The following NEXMIF variants were observed in gnomAD, a reference collection of about 807,000 sequenced individuals.
NEXMIF encodes the protein XLMR protein related to neurite extension.
A neutral mutation model predicts 62.1 loss-of-function variants in NEXMIF; 8 were observed. The observed-to-expected ratio is 0.13, with a 90% CI of 0.08 to 0.23. The LOEUF is 0.23. Among genes scored for constraint, NEXMIF ranks in the 10% least tolerant of loss-of-function variants. NEXMIF has a pLI of 1.00. For missense variants in NEXMIF, 976 were observed against 1,113.3 expected (o/e 0.88, Z 1.75); for synonymous variants, 404 against 416.6 (o/e 0.97, Z 0.37).
intron 1 of NEXMIF, among the ~76,000 whole-genome samples, chrX:74,871,384 G>C (rs1271586473): frequency 9.0e-6 from 1 of 111,188 alleles, no homozygotes; most frequent in Admixed American, 9.6e-5. Context: ...AAAAGGCAGA[G>C]GCAAAAATTA....
intron 1 of NEXMIF, among the ~76,000 whole-genome samples, chrX:74,906,766 A>G (rs936346358): frequency 4.5e-5 from 5 of 111,178 alleles, no homozygotes; most frequent in Non-Finnish European, 9.4e-5. Context: ...CTTGCTGAAA[A>G]TAAAGCTTTT....
At chrX:74,924,494 C>T (rs1296585533) in intron 1 of NEXMIF, among the ~76,000 whole-genome samples, 1 of 113,244 alleles carries the variant, frequency 8.8e-6, no homozygotes, top group Non-Finnish European at 1.9e-5. Context: ...CGAAGCGTGC[C>T]ATGCCCATGC....
chrX:74,790,543 T>C (rs1167990344), intron 1 of NEXMIF, among the ~76,000 whole-genome samples: 2 of 111,866 alleles, frequency 1.8e-5, no homozygotes, highest in East Asian at 2.8e-4. Context: ...GGGGATGGCA[T>C]TGAATCTGTA....
intron 1 of NEXMIF, among the ~76,000 whole-genome samples, chrX:74,812,318 C>T (rs1216229391): frequency 8.9e-6 from 1 of 111,867 alleles, no homozygotes; most frequent in Admixed American, 9.5e-5. Context: ...ATATCTCTCC[C>T]AACACCAAAT....
At chrX:74,838,875 T>C (rs745576646) in intron 1 of NEXMIF, among the ~76,000 whole-genome samples, 4 of 112,032 alleles carry the variant, frequency 3.6e-5, no homozygotes, top group Non-Finnish European at 7.5e-5. Flanking sequence ...CCTGCAAATA[T>C]GTGAGTATAA....
Position 74,744,463 on chromosome X carries a change from C to A in NEXMIF, c.94G>T (p.Asp32Tyr), listed in dbSNP as rs1430976000. The A allele has an allele frequency of 8.4e-7, 1 of 1,193,276 alleles. No individual in the cohort carries two copies. Among genetic ancestry groups the A allele is most frequent in the Non-Finnish European group, 1.1e-6 (1 of 885,489 alleles). Residue 32 changes from aspartate (D) to tyrosine (Y), a missense_variant, in exon 3 of 4, where the codon GAT becomes TAT. Asp to Tyr is a radical substitution (Grantham distance 160, BLOSUM62 -3). Transcript: ENST00000055682. ...GVKENDSEDQDVAMKSFAALE... is the reference protein window; with the variant it reads ...GVKENDSEDQYVAMKSFAALE... ...GCTGCAAATGACTTCATTGCCACAT[C>A]CTGGTCCTCTGAGTCTAGAAAAAAG...
chrX:74,832,757 A>G (rs2080442300), intron 1 of NEXMIF, among the ~76,000 whole-genome samples: 1 of 111,346 alleles, frequency 9.0e-6, no homozygotes, highest in African/African-American at 3.3e-5. Context: ...ACTTATAGCT[A>G]TAAGCTTCCC....
intron 1 of NEXMIF, among the ~76,000 whole-genome samples, chrX:74,892,715 G>T (rs907703448): frequency 7.1e-5 from 8 of 111,934 alleles, no homozygotes; most frequent in Non-Finnish European, 1.3e-4. Flanking sequence ...ATGTTGCATG[G>T]GCACCATGAA....
chrX:74,756,616 C>T (rs1450481044), intron 1 of NEXMIF, among the ~76,000 whole-genome samples: 1 of 111,483 alleles, frequency 9.0e-6, no homozygotes, highest in Non-Finnish European at 1.9e-5. Context: ...TGTTGCCATT[C>T]TAGTTAGAAT....
chrX:74,847,405 C>T (rs1047792395), intron 1 of NEXMIF, among the ~76,000 whole-genome samples: 1 of 111,972 alleles, frequency 8.9e-6, no homozygotes, highest in African/African-American at 3.2e-5. Context: ...ACTTTAAAGA[C>T]GTTAACCTAG....
intron 1 of NEXMIF, among the ~76,000 whole-genome samples, chrX:74,806,639 C>T (rs1474982431): frequency 8.9e-6 from 1 of 111,898 alleles, no homozygotes; most frequent in African/African-American, 3.2e-5. Flanking sequence ...AAAGTCATCA[C>T]CAAGCCCAAG....
In NEXMIF at chrX:74,832,536, TCAAAA is replaced by T. The variant is rs1331524338; in HGVS notation, c.-47-86844_-47-86840del. Among the ~76,000 whole-genome samples the T allele has an allele frequency of 1.2e-4, 13 of 111,018 alleles. 1 individual carries two copies. The highest frequency in any genetic ancestry group is 1.1e-3 in the Admixed American group (12 of 10,455). ...GTTACAGTTTGTCAATTTTATCTTC[TCAAAA>T]CAAAACAAAATGAAAACAAAATAAA... On this transcript the variant is annotated intron_variant, in intron 1 of 3. Coordinates refer to ENST00000055682, the MANE Select transcript of NEXMIF (RefSeq NM_001008537.3).
At chrX:74,763,764 CTGTT>C (rs2080185354) in intron 1 of NEXMIF, among the ~76,000 whole-genome samples, 3 of 111,441 alleles carry the variant, frequency 2.7e-5, no homozygotes, top group East Asian at 2.8e-4. Flanking sequence ...ATTTGGCTCT[CTGTT>C]TGTCTGTTTT....
chrX:74,858,104 G>A (rs2080542045), intron 1 of NEXMIF, among the ~76,000 whole-genome samples: 1 of 112,091 alleles, frequency 8.9e-6, no homozygotes, highest in African/African-American at 3.2e-5. Flanking sequence ...TGCCCTGAAG[G>A]GAAGAACAAA....
chrX:74,888,310 CA>C lies in NEXMIF; in HGVS notation c.-48+36572del, dbSNP rs748607057. Among the ~76,000 whole-genome samples, 354 of 89,242 alleles carry C rather than the reference CA, an allele frequency of 4.0e-3. 2 individuals are homozygous for C. Among genetic ancestry groups the C allele is most frequent in the Middle Eastern group, 7.4e-3 (1 of 135 alleles). 77.5% of individuals were successfully genotyped at this position (89,242 alleles called of 115,157 possible). A position where few individuals can be genotyped will look rare whatever the true frequency, so the allele number is the denominator to read the frequency against. ...ATAATAATAATAATAAACAAACAAA[CA>C]AAAAAAAAAAGAAAATGTGGCACAT... On this transcript the variant is annotated intron_variant, in intron 1 of 3. Coordinates refer to ENST00000055682, the MANE Select transcript of NEXMIF (RefSeq NM_001008537.3).
chrX:74,891,226 G>C (rs1182789788), intron 1 of NEXMIF, among the ~76,000 whole-genome samples: 1 of 110,850 alleles, frequency 9.0e-6, no homozygotes, highest in African/African-American at 3.3e-5. Context: ...CACACATACA[G>C]TGTTGCCCTT....
intron 1 of NEXMIF, among the ~76,000 whole-genome samples, chrX:74,912,883 A>G (rs1396393435): frequency 4.5e-5 from 5 of 111,858 alleles, no homozygotes; most frequent in Non-Finnish European, 7.5e-5. Context: ...CCAACTGTCA[A>G]CAAGCAAGCA....
chrX:74,872,756 C>A (rs1233334212), intron 1 of NEXMIF, among the ~76,000 whole-genome samples: 1 of 109,446 alleles, frequency 9.1e-6, no homozygotes, highest in Non-Finnish European at 1.9e-5. Flanking sequence ...TTACCCACTG[C>A]ATTCCTGTAT....
chrX:74,790,766 G>C (rs1327050688), intron 1 of NEXMIF, among the ~76,000 whole-genome samples: 13 of 113,145 alleles, frequency 1.1e-4, no homozygotes, highest in African/African-American at 4.2e-4. Flanking sequence ...CTCCTGATTT[G>C]GCTCTCTGTT....
Sources: gnomAD v4.1 joint callset for allele counts (sites outside exome capture counted in the v4.1 genomes callset) on GRCh38, gnomAD v4.1.1 for gene constraint, MANE v1.5 for transcripts, NCBI Gene and HGNC (gene_info 2026-07-23, HGNC 2026-07-21) for gene names.